Variants in PCDHA13 observed in about 807,000 individuals in gnomAD.
The protein encoded by PCDHA13 is protocadherin alpha 13.
A neutral mutation model predicts 64.8 loss-of-function variants in PCDHA13; 54 were observed. The ratio of observed to expected loss-of-function variants is 0.83; its 90% CI spans 0.67 to 1.04. PCDHA13 has a LOEUF of 1.04. Among genes scored for constraint, PCDHA13 ranks in the 50% least tolerant of loss-of-function variants. The pLI is 0.00. For synonymous variants in PCDHA13, 587 were observed against 564.4 expected (o/e 1.04, Z -0.57); for missense variants, 1,248 against 1,254.3 (o/e 0.99, Z 0.08).
At chr5:140,927,926 T>C (rs782407263) in intron 1 of PCDHA13, 2 of 1,614,212 alleles carry the variant, frequency 1.2e-6, no homozygotes, top group East Asian at 2.2e-5. Context: ...TTCCTGACTC[T>C]TTCGAACCCA....
chr5:140,967,433 C>A, intron 1 of PCDHA13: 1 of 1,613,500 alleles, frequency 6.2e-7, no homozygotes, highest in Non-Finnish European at 8.5e-7. Context: ...GGCAGCCTTG[C>A]ACCACCTGGT....
chr5:140,966,678 C>T, intron 1 of PCDHA13: 5 of 1,313,350 alleles, frequency 3.8e-6, no homozygotes, highest in South Asian at 3.6e-5. Context: ...CAGGGTGGCA[C>T]GAGCGGAGGC....
chr5:140,943,719 T>C (rs1198620937), intron 1 of PCDHA13, among the ~76,000 whole-genome samples: 2 of 152,126 alleles, frequency 1.3e-5, no homozygotes, highest in Non-Finnish European at 2.9e-5. Context: ...TTTAAAGGTC[T>C]GAGAGAATGA....
chr5:140,953,913 G>A (rs2094950683), intron 1 of PCDHA13, among the ~76,000 whole-genome samples: 1 of 152,104 alleles, frequency 6.6e-6, no homozygotes, highest in African/African-American at 2.4e-5. Flanking sequence ...CATCCATTAG[G>A]TATTCTTCCT....
chr5:140,934,043 G>A (rs1241698438), intron 1 of PCDHA13, among the ~76,000 whole-genome samples: 1 of 151,818 alleles, frequency 6.6e-6, no homozygotes, highest in African/African-American at 2.4e-5. Context: ...AATGATATTA[G>A]TCTTTCCAAG....
intron 1 of PCDHA13, chr5:140,928,133 T>C (rs1208134482): frequency 1.2e-6 from 2 of 1,614,090 alleles, no homozygotes; most frequent in Non-Finnish European, 1.7e-6. Context: ...TACCAAGTCC[T>C]GATCACGGCC....
rs1190939164 is a variant in PCDHA13, at chr5:140,968,882, C to T, written c.2395-10067C>T. ...CCCTCGGACATACTCTGAAATTACC[C>T]TTTATCTAATAATAGCATTAAGCAC... On this transcript the variant is annotated intron_variant, in intron 1 of 3. Transcript: ENST00000289272. 6 of 1,614,066 alleles carry T rather than the reference C, an allele frequency of 3.7e-6. No individual in the cohort carries two copies. The African/African-American group carries it at 6.7e-5, about 18-fold the overall frequency.
At chr5:140,928,381 T>C (rs1554205835) in intron 1 of PCDHA13, 2 of 1,614,054 alleles carry the variant, frequency 1.2e-6, no homozygotes, top group African/African-American at 2.7e-5. Flanking sequence ...AGCCTCTAGC[T>C]TGCTGGCAGT....
At chr5:140,919,222 C>G (rs1367427149) in intron 1 of PCDHA13, among the ~76,000 whole-genome samples, 3 of 152,144 alleles carry the variant, frequency 2.0e-5, no homozygotes, top group African/African-American at 7.2e-5. Flanking sequence ...TTCTTGATTT[C>G]TAGTAACACT....
In PCDHA13 at chr5:140,883,987, G is replaced by C. The variant is rs782597930; in HGVS notation, c.1719G>C (p.Ala573=). ...PALLTPGAGS[A]GGTVSELMPR... ...TGCTGACGCCCGGGGCTGGCAGCGC[G>C]GGAGGCACAGTGAGCGAGCTGATGC... Residue 573 remains alanine, a synonymous_variant, in exon 1 of 4, where the codon GCG becomes GCC. Transcript: ENST00000289272. 2.5e-6 allele frequency: 4 copies of C among 1,612,956 alleles called. No individual in the cohort carries two copies. The highest frequency in any genetic ancestry group is 1.7e-5 in the Admixed American group (1 of 59,980).
chr5:140,894,113 G>C (rs1239376474), intron 1 of PCDHA13, among the ~76,000 whole-genome samples: 1 of 152,072 alleles, frequency 6.6e-6, no homozygotes, highest in Non-Finnish European at 1.5e-5. Context: ...TTGCAGATGA[G>C]AAGTTTCAAA....
intron 3 of PCDHA13, among the ~76,000 whole-genome samples, chr5:141,001,760 G>A (rs2098035777): frequency 6.6e-6 from 1 of 152,146 alleles, no homozygotes; most frequent in South Asian, 2.1e-4. Flanking sequence ...GGTTGATGGC[G>A]GATGGTTTTT....
Position 140,928,358 on chromosome 5 carries a change from CT to C in PCDHA13, c.2394+43697del, listed in dbSNP as rs782782118. 3.7e-6 allele frequency: 6 copies of C among 1,614,178 alleles called. No homozygotes were observed. In the Admixed American group the frequency reaches 1.0e-4, roughly 27 times the overall value. ...TCTTATGAGCTGTTGGATGTTATCT[CT>C]GAAGGGCCATCAGCCTCTAGCTTGC... On this transcript the variant is annotated intron_variant, in intron 1 of 3. Coordinates refer to ENST00000289272, the MANE Select transcript of PCDHA13 (RefSeq NM_018904.3).
intron 1 of PCDHA13, among the ~76,000 whole-genome samples, chr5:140,937,574 G>C (rs1320452651): frequency 1.3e-5 from 2 of 151,732 alleles, no homozygotes; most frequent in African/African-American, 4.9e-5. Context: ...CTGGGATCGC[G>C]TCACTGCACT....
chr5:140,926,798 C>G, intron 1 of PCDHA13: 2 of 1,455,342 alleles, frequency 1.4e-6, no homozygotes, highest in Non-Finnish European at 1.8e-6. Flanking sequence ...GGAGCGTGCT[C>G]TTCCCCGCGG....
chr5:140,939,993 G>A (rs889924458), intron 1 of PCDHA13, among the ~76,000 whole-genome samples: 3 of 151,902 alleles, frequency 2.0e-5, no homozygotes, highest in African/African-American at 7.3e-5. Context: ...GTTTCTCCTT[G>A]GATTTTGTCA....
At chr5:140,900,667 G>A (rs557447526) in intron 1 of PCDHA13, among the ~76,000 whole-genome samples, 12 of 152,222 alleles carry the variant, frequency 7.9e-5, no homozygotes, top group Non-Finnish European at 1.6e-4. Flanking sequence ...CAATGGGAGT[G>A]CAGTTATCTC....
At chr5:140,943,139 T>A (rs2093424349) in intron 1 of PCDHA13, among the ~76,000 whole-genome samples, 2 of 151,168 alleles carry the variant, frequency 1.3e-5, no homozygotes, top group Admixed American at 6.6e-5. Context: ...GTGCCTGTAG[T>A]CCCAGCTACT....
At chr5:140,925,217 G>T (rs1217593393) in intron 1 of PCDHA13, among the ~76,000 whole-genome samples, 1 of 152,154 alleles carries the variant, frequency 6.6e-6, no homozygotes, top group Non-Finnish European at 1.5e-5. Flanking sequence ...ATACTTTTAG[G>T]CAGGTTTCTA....
Sources: allele counts gnomAD v4.1 joint callset (sites outside exome capture counted in the v4.1 genomes callset), GRCh38; gene constraint gnomAD v4.1.1; transcripts MANE v1.5; gene names NCBI Gene and HGNC (gene_info 2026-07-23, HGNC 2026-07-21).